Variants in ZBED6 observed in about 807,000 individuals in gnomAD.
ZBED6 encodes zinc finger BED domain-containing protein 6.
In ZBED6, 40 loss-of-function variants were observed where a neutral mutation model predicts 58.4. The observed-to-expected ratio is 0.68, with a 90% CI of 0.53 to 0.89. The LOEUF (loss-of-function observed/expected upper bound fraction) is 0.89. Among genes scored for constraint, ZBED6 ranks in the 40% least tolerant of loss-of-function variants. ZBED6 has a pLI of 0.00. For synonymous variants in ZBED6, 439 were observed against 350.6 expected (o/e 1.25, Z -2.82); for missense variants, 1,057 against 1,003.9 (o/e 1.05, Z -0.71).
At chr1:203,798,401 C>T in exon 1 of ZBED6, 6 of 1,533,534 alleles carry the variant, frequency 3.9e-6, no homozygotes, top group Non-Finnish European at 4.4e-6. Context: ...GAAGTGTGAG[C>T]CGGGGTAGGC....
At chr1:203,851,581 C>T (rs1333851665) in intron 16 of ZBED6, among the ~76,000 whole-genome samples, 1 of 152,134 alleles carries the variant, frequency 6.6e-6, no homozygotes, top group African/African-American at 2.4e-5. Flanking sequence ...CCACCTTCCT[C>T]GTCTTCCCAA....
chr1:203,850,474 T>TCTA, intron 14 of ZBED6, 41 bp from the exon 15 acceptor site: 1 of 1,609,640 alleles, frequency 6.2e-7, no homozygotes, highest in Non-Finnish European at 8.5e-7. Context: ...TTTAAAAGAG[T>TCTA]CTATTCTCAC....
intron 1 of ZBED6, among the ~76,000 whole-genome samples, chr1:203,813,178 G>A (rs1163338943): frequency 6.6e-6 from 1 of 151,658 alleles, no homozygotes. Flanking sequence ...TAATTTTAAT[G>A]AACTCCAATT....
At position 203,822,138 on chromosome 1, in the gene ZBED6, T is replaced by C. The variant is rs548069089; in HGVS notation, c.*2873+3449T>C. Among the ~76,000 whole-genome samples the C allele has an allele frequency of 9.9e-4, 151 of 152,296 alleles. 1 individual carries two copies. Among genetic ancestry groups the C allele is most frequent in the African/African-American group, 3.5e-3 (147 of 41,546 alleles). ...TCCAGTTCATCAATGCCACAGGACT[T>C]AGTCTAGACTTCTCCTTTTCCATAC... On this transcript the variant is annotated intron_variant, in intron 3 of 16. Coordinates refer to ENST00000550078, the Ensembl canonical transcript of ZBED6.
At chr1:203,823,877 A>G (rs945092459) in intron 3 of ZBED6, among the ~76,000 whole-genome samples, 6 of 152,198 alleles carry the variant, frequency 3.9e-5, no homozygotes, top group African/African-American at 1.4e-4. Context: ...GTAGCTGTTA[A>G]CAAAAAATTT....
exon 1 of ZBED6, chr1:203,799,067 G>T: frequency 6.5e-7 from 1 of 1,536,138 alleles, no homozygotes; most frequent in Non-Finnish European, 8.7e-7. Context: ...ATAATGGCAG[G>T]ATCCCCGATT....
At chr1:203,847,086 C>T in intron 11 of ZBED6, 98 bp from the exon 12 acceptor site, 2 of 1,269,612 alleles carry the variant, frequency 1.6e-6, no homozygotes, top group Non-Finnish European at 2.2e-6. Flanking sequence ...TAAATGATAG[C>T]TCTCTGTTGG....
Position 203,829,664 on chromosome 1 carries a change from G to C in ZBED6, c.*3201+10G>C. 6.2e-7 allele frequency: 1 copy of C among 1,614,216 alleles called. No individual in the cohort carries two copies. The highest frequency in any genetic ancestry group is 8.5e-7 in the Non-Finnish European group (1 of 1,180,022). On this transcript the variant is annotated intron_variant, in intron 5 of 16. Coordinates refer to ENST00000550078, the Ensembl canonical transcript of ZBED6. ...GATGAAGATGATGATGGTAAGTTCT[G>C]TCTGGCTCCTTCTTTAAGGCAAATA...
At chr1:203,804,246 G>C (rs1271954611) in intron 1 of ZBED6, among the ~76,000 whole-genome samples, 1 of 151,176 alleles carries the variant, frequency 6.6e-6, no homozygotes, top group Admixed American at 6.6e-5. Flanking sequence ...CCGCCTCCCG[G>C]GTTCACGCCA....
intron 4 of ZBED6, 68 bp from the exon 5 acceptor site, chr1:203,829,383 T>A (rs1681545644): frequency 4.6e-6 from 7 of 1,518,934 alleles, no homozygotes; most frequent in African/African-American, 1.4e-5. Flanking sequence ...TCATAGGTGG[T>A]CAGGAATTTT....
chr1:203,832,365 A>G (rs1558126808), intron 8 of ZBED6, among the ~76,000 whole-genome samples: 1 of 143,502 alleles, frequency 7.0e-6, no homozygotes. Context: ...TTGGCCATTA[A>G]TTTTTTTTTT....
intron 11 of ZBED6, among the ~76,000 whole-genome samples, chr1:203,843,001 T>A (rs958074401): frequency 6.6e-6 from 1 of 152,046 alleles, no homozygotes; most frequent in Admixed American, 6.6e-5. Context: ...TATTTATGAA[T>A]GCTGTTAGCC....
At chr1:203,847,041 A>T in intron 11 of ZBED6, 143 bp from the exon 12 acceptor site, 1 of 909,618 alleles carries the variant, frequency 1.1e-6, no homozygotes, top group Non-Finnish European at 1.7e-6. Context: ...GAAAAGAAAT[A>T]AATGTTACCC....
chr1:203,798,943 A>G lies in ZBED6; in HGVS notation c.1421A>G (p.Asn474Ser), dbSNP rs970711370. The G allele has an allele frequency of 1.6e-5, 25 of 1,536,032 alleles. No individual in the cohort carries two copies. The highest frequency in any genetic ancestry group is 2.7e-5 in the African/African-American group (2 of 73,044). Residue 474 changes from asparagine (N) to serine (S), a missense_variant, in exon 1 of 17, where the codon AAT becomes AGT. By Grantham distance (46) the Asn-to-Ser change is conservative. Transcript: ENST00000550078. ...GAAAAAATTTTCTTAACTTTAGAGAATGTTCAAAGCCAAAAGATACACCTG... is the reference window on the plus strand; with the variant it reads ...GAAAAAATTTTCTTAACTTTAGAGAGTGTTCAAAGCCAAAAGATACACCTG...
chr1:203,841,837 C>A (rs1451759935), intron 11 of ZBED6, among the ~76,000 whole-genome samples: 1 of 143,888 alleles, frequency 6.9e-6, no homozygotes, highest in Non-Finnish European at 1.5e-5. Flanking sequence ...CTCCTCACTT[C>A]GCAGACGGGG....
exon 14 of ZBED6, chr1:203,850,025 A>G (rs1412350518): frequency 6.2e-7 from 1 of 1,613,784 alleles, no homozygotes; most frequent in Non-Finnish European, 8.5e-7. Context: ...AAAGGGGTAA[A>G]GGCAAGTATT....
At chr1:203,827,350 CT>C (rs200907717) in intron 3 of ZBED6, among the ~76,000 whole-genome samples, 9,856 of 139,988 alleles carry the variant, frequency 0.07, 791 homozygotes, top group East Asian at 0.41. Flanking sequence ...CACAGGTATT[CT>C]TTTTTTTTTT....
chr1:203,837,885 A>G (rs910548742), intron 9 of ZBED6, 81 bp from the exon 10 acceptor site: 39 of 1,299,004 alleles, frequency 3.0e-5, no homozygotes, highest in Non-Finnish European at 4.0e-5. Context: ...GAATTATGCT[A>G]TGTTGTCTGT....
At chr1:203,844,146 T>C (rs1313109814) in intron 11 of ZBED6, among the ~76,000 whole-genome samples, 2 of 152,024 alleles carry the variant, frequency 1.3e-5, no homozygotes, top group Non-Finnish European at 2.9e-5. Flanking sequence ...CGTGAGCCAC[T>C]GTGCCCGCCT....
Sources: allele counts gnomAD v4.1 joint callset (sites outside exome capture counted in the v4.1 genomes callset), GRCh38; gene constraint gnomAD v4.1.1; transcripts MANE v1.5; gene names NCBI Gene and HGNC (gene_info 2026-07-23, HGNC 2026-07-21).